RNF11: variants seen among roughly 807,000 people sequenced by gnomAD.
RNF11 encodes ring finger protein 11.
A neutral mutation model predicts 15.8 loss-of-function variants in RNF11; 4 were observed. The ratio of observed to expected loss-of-function variants is 0.25; its 90% CI spans 0.12 to 0.58. The LOEUF (loss-of-function observed/expected upper bound fraction) is 0.58, where lower values mean the gene tolerates loss of function less well. RNF11 is among the 20% of genes least tolerant of loss of function. The pLI is 0.91. For synonymous variants in RNF11, 68 were observed against 72.3 expected (o/e 0.94, Z 0.30); for missense variants, 139 against 194.4 (o/e 0.71, Z 1.70).
At chr1:51,269,422 C>A (rs1167277260) in intron 1 of RNF11, among the ~76,000 whole-genome samples, 1 of 152,032 alleles carries the variant, frequency 6.6e-6, no homozygotes, top group African/African-American at 2.4e-5. Flanking sequence ...CAGAGGGAGA[C>A]CCTATCTCAA....
intron 1 of RNF11, among the ~76,000 whole-genome samples, chr1:51,238,183 C>T (rs1381026666): frequency 6.6e-6 from 1 of 152,198 alleles, no homozygotes. Flanking sequence ...AGGTGGACAT[C>T]TAATCCTCTT....
At chr1:51,251,446 C>A in intron 1 of RNF11, 1 of 758,370 alleles carries the variant, frequency 1.3e-6, no homozygotes, top group Non-Finnish European at 2.2e-6. Context: ...CCGGGCCCCC[C>A]CCCGCTGCAC....
At position 51,249,179 on chromosome 1, in the gene RNF11, AGTAT is replaced by A. The variant is rs545466260; in HGVS notation, c.123+12303_123+12306del. Among the ~76,000 whole-genome samples, 215 of 152,308 alleles carry A rather than the reference AGTAT, an allele frequency of 1.4e-3. 1 individual carries two copies. Among genetic ancestry groups the A allele is most frequent in the African/African-American group, 4.7e-3 (194 of 41,566 alleles). On this transcript the variant is annotated intron_variant, in intron 1 of 2. Coordinates refer to ENST00000242719, the MANE Select transcript of RNF11 (RefSeq NM_014372.5). ...GAGTTGTGTAATTTTGTACAGTAAAAGTATGTGTGTGTAAATTTTAATTAAAATG... is the reference window on the plus strand; with the variant it reads ...GAGTTGTGTAATTTTGTACAGTAAAAGTGTGTGTAAATTTTAATTAAAATG...
At chr1:51,244,387 T>TG in intron 1 of RNF11, among the ~76,000 whole-genome samples, 1 of 152,278 alleles carries the variant, frequency 6.6e-6, no homozygotes, top group African/African-American at 2.4e-5. Flanking sequence ...TTGTTTTTTT[T>TG]TTTGTTTGTT....
Position 51,236,985 on chromosome 1 carries a change from G to A in RNF11, c.123+106G>A. 4.2e-6 allele frequency: 6 copies of A among 1,426,176 alleles called. No homozygotes were observed. In the South Asian group the frequency reaches 8.3e-5, roughly 20 times the overall value. 88.3% of individuals were successfully genotyped at this position (1,426,176 alleles called of 1,614,324 possible). A position where few individuals can be genotyped will look rare whatever the true frequency, so the allele number is the denominator to read the frequency against. On this transcript the variant is annotated intron_variant, in intron 1 of 2. Transcript: ENST00000242719. ...CCTGGCTTCGGCAAGGCCTGGCCTGGGCGGCATTGACCCCTTAGGGCTGGA... is the reference window on the plus strand; with the variant it reads ...CCTGGCTTCGGCAAGGCCTGGCCTGAGCGGCATTGACCCCTTAGGGCTGGA...
At chr1:51,257,853 C>CTTTT (rs1245365473) in intron 1 of RNF11, among the ~76,000 whole-genome samples, 2,678 of 91,056 alleles carry the variant, frequency 0.029, 123 homozygotes, top group Middle Eastern at 0.071. Context: ...CTTTTCTTTT[C>CTTTT]TTTTTTTTTT....
At chr1:51,268,437 AGT>A (rs929925193) in intron 1 of RNF11, among the ~76,000 whole-genome samples, 11 of 152,330 alleles carry the variant, frequency 7.2e-5, no homozygotes, top group Non-Finnish European at 1.2e-4. Flanking sequence ...ATTAAAATAT[AGT>A]TTTTATTTTC....
intron 1 of RNF11, among the ~76,000 whole-genome samples, chr1:51,268,449 C>T (rs1048042243): frequency 6.6e-6 from 1 of 152,100 alleles, no homozygotes; most frequent in African/African-American, 2.4e-5. Context: ...TTTTTATTTT[C>T]TTCTTTAATG....
intron 1 of RNF11, among the ~76,000 whole-genome samples, chr1:51,244,742 T>C (rs1646844577): frequency 6.6e-6 from 1 of 152,214 alleles, no homozygotes; most frequent in African/African-American, 2.4e-5. Context: ...TAACCAGTTA[T>C]TTGTTATTTG....
chr1:51,242,903 ATTATACAAT>A (rs1401590150), intron 1 of RNF11, among the ~76,000 whole-genome samples: 1 of 152,166 alleles, frequency 6.6e-6, no homozygotes, highest in Non-Finnish European at 1.5e-5. Context: ...TCTAGGCCTT[ATTATACAAT>A]TATTCAGCTT....
intron 1 of RNF11, among the ~76,000 whole-genome samples, chr1:51,246,590 C>T (rs1482818698): frequency 6.6e-6 from 1 of 152,054 alleles, no homozygotes; most frequent in Admixed American, 6.6e-5. Context: ...GGTGTGGTGG[C>T]TCACACCTGT....
In RNF11 at chr1:51,269,968, GTTCCAGTCTACC is replaced by G; in HGVS notation, c.137_148del (p.Val46_His50delinsAsp). 6.2e-7 allele frequency: 1 copy of G among 1,611,830 alleles called. No homozygotes were observed. The highest frequency in any genetic ancestry group is 8.5e-7 in the Non-Finnish European group (1 of 1,179,374). On this transcript the variant is annotated inframe_deletion, in exon 2 of 3. Coordinates refer to ENST00000242719, the MANE Select transcript of RNF11 (RefSeq NM_014372.5). ...TTTAATATTTTAGGAACAAGTTCCA[GTTCCAGTCTACC>G]ACCCAACACCTAGCCAGACTCGGCT... is the stretch of plus-strand genomic sequence containing the variant.
At chr1:51,256,067 C>T (rs1183547602) in intron 1 of RNF11, among the ~76,000 whole-genome samples, 1 of 151,992 alleles carries the variant, frequency 6.6e-6, no homozygotes, top group African/African-American at 2.4e-5. Flanking sequence ...AAATATTCAA[C>T]GATTGCCAAA....
At chr1:51,249,927 A>G (rs757843041) in intron 1 of RNF11, among the ~76,000 whole-genome samples, 6 of 152,188 alleles carry the variant, frequency 3.9e-5, no homozygotes, top group Admixed American at 6.6e-5. Context: ...ATTCATTCCT[A>G]CCACCTAGAT....
At chr1:51,246,041 G>C (rs112154567) in intron 1 of RNF11, among the ~76,000 whole-genome samples, 1 of 152,220 alleles carries the variant, frequency 6.6e-6, no homozygotes, top group Non-Finnish European at 1.5e-5. Flanking sequence ...TGAGGTGGGC[G>C]GGTCACCTGA....
chr1:51,237,450 A>G (rs1646810188), intron 1 of RNF11, among the ~76,000 whole-genome samples: 3 of 147,578 alleles, frequency 2.0e-5, no homozygotes, highest in Non-Finnish European at 4.5e-5. Context: ...GTGTATATAT[A>G]TATATATATA....
At chr1:51,247,970 A>T (rs190746295) in intron 1 of RNF11, among the ~76,000 whole-genome samples, 5 of 152,312 alleles carry the variant, frequency 3.3e-5, no homozygotes, top group Admixed American at 3.3e-4. Context: ...CCAGTTAGTT[A>T]AAGTTACATG....
At chr1:51,256,233 C>G (rs1490725403) in intron 1 of RNF11, among the ~76,000 whole-genome samples, 1 of 152,180 alleles carries the variant, frequency 6.6e-6, no homozygotes, top group Non-Finnish European at 1.5e-5. Flanking sequence ...TCATCCCTCC[C>G]CCCAACACCT....
At chr1:51,264,332 A>C (rs1569681855) in intron 1 of RNF11, among the ~76,000 whole-genome samples, 1 of 140,184 alleles carries the variant, frequency 7.1e-6, no homozygotes, top group East Asian at 2.0e-4. Flanking sequence ...ACACACACAC[A>C]CACACACATT....
Sources: allele counts gnomAD v4.1 joint callset (sites outside exome capture counted in the v4.1 genomes callset), GRCh38; gene constraint gnomAD v4.1.1; transcripts MANE v1.5; gene names NCBI Gene and HGNC (gene_info 2026-07-23, HGNC 2026-07-21).